ATP11A: variants seen among roughly 807,000 people sequenced by gnomAD.
ATP11A encodes the protein ATPase phospholipid transporting 11A.
A neutral mutation model predicts 154.4 loss-of-function variants in ATP11A; 81 were observed. The observed-to-expected ratio is 0.52, with a 90% confidence interval of 0.44 to 0.63. ATP11A has a LOEUF of 0.63. ATP11A is among the 30% of genes least tolerant of loss of function. The pLI, the probability that ATP11A is intolerant of heterozygous loss-of-function variation, is 0.00. For synonymous variants in ATP11A, 623 were observed against 585.9 expected, an observed-to-expected ratio of 1.06 and a Z score of -0.91; for missense variants, 1,316 against 1,474.3, an observed-to-expected ratio of 0.89 and a Z score of 1.76.
chr13:112,758,561 C>G (rs2076895963), intron 1 of ATP11A, among the ~76,000 whole-genome samples: 1 of 151,470 alleles, frequency 6.6e-6, no homozygotes, highest in Non-Finnish European at 1.5e-5. Context: ...GTAGCTGGGA[C>G]TACAGGCGCC....
At chr13:112,760,392 C>A (rs1380647262) in intron 1 of ATP11A, among the ~76,000 whole-genome samples, 1 of 152,132 alleles carries the variant, frequency 6.6e-6, no homozygotes, top group Non-Finnish European at 1.5e-5. Flanking sequence ...TTTAGCATTA[C>A]CCATTTGGGT....
At chr13:112,824,760 G>A (rs1243528772) in intron 10 of ATP11A, among the ~76,000 whole-genome samples, 1 of 152,210 alleles carries the variant, frequency 6.6e-6, no homozygotes, top group Non-Finnish European at 1.5e-5. Context: ...TTAACTCTGG[G>A]ATTTGGTCAA....
At chr13:112,853,959 C>G (rs1566574752) in intron 18 of ATP11A, among the ~76,000 whole-genome samples, 1 of 152,174 alleles carries the variant, frequency 6.6e-6, no homozygotes, top group Non-Finnish European at 1.5e-5. Context: ...GAAACCCTCC[C>G]CAGGTAGTGA....
intron 1 of ATP11A, among the ~76,000 whole-genome samples, chr13:112,748,463 T>C (rs1652174116): frequency 6.6e-6 from 1 of 152,236 alleles, no homozygotes; most frequent in African/African-American, 2.4e-5. Flanking sequence ...CCTCCTGGGC[T>C]CAAGCAATCC....
intron 14 of ATP11A, among the ~76,000 whole-genome samples, chr13:112,833,610 T>A (rs927427337): frequency 1.3e-5 from 2 of 152,192 alleles, no homozygotes; most frequent in Non-Finnish European, 1.5e-5. Context: ...AGGGACTGAG[T>A]ATGGTGAGAA....
chr13:112,772,881 A>G (rs1254189751), intron 1 of ATP11A, among the ~76,000 whole-genome samples: 2 of 152,152 alleles, frequency 1.3e-5, no homozygotes, highest in Non-Finnish European at 2.9e-5. Flanking sequence ...TGTCTTTTCT[A>G]TTTTTGAGTT....
At chr13:112,717,618 C>G (rs1401423795) in intron 1 of ATP11A, 2 of 152,188 alleles carry the variant, frequency 1.3e-5, no homozygotes, top group Non-Finnish European at 2.9e-5. Flanking sequence ...TTTGCTAATT[C>G]ATTTTTCAGT....
chr13:112,865,494 T>A (rs2080300327), intron 25 of ATP11A, among the ~76,000 whole-genome samples: 1 of 152,270 alleles, frequency 6.6e-6, no homozygotes, highest in South Asian at 2.1e-4. Flanking sequence ...AAAGATCGCA[T>A]TACCTGAGTG....
chr13:112,772,036 G>A (rs1222905778), intron 1 of ATP11A, among the ~76,000 whole-genome samples: 2 of 152,200 alleles, frequency 1.3e-5, no homozygotes, highest in African/African-American at 4.8e-5. Context: ...CAGCGGCTGA[G>A]GCAGAGTCCT....
intron 25 of ATP11A, among the ~76,000 whole-genome samples, chr13:112,866,055 C>G (rs1406000723): frequency 6.6e-6 from 1 of 152,212 alleles, no homozygotes; most frequent in Non-Finnish European, 1.5e-5. Flanking sequence ...AGCAGACATT[C>G]ACTCTCTGGT....
intron 1 of ATP11A, among the ~76,000 whole-genome samples, chr13:112,776,836 A>T (rs111449926): frequency 0.027 from 4,108 of 152,146 alleles, 190 homozygotes; most frequent in African/African-American, 0.093. Context: ...ACCTCAGGTG[A>T]TCCACCCACC....
chr13:112,847,540 C>T (rs2079644178), intron 17 of ATP11A, among the ~76,000 whole-genome samples: 1 of 152,224 alleles, frequency 6.6e-6, no homozygotes, highest in Non-Finnish European at 1.5e-5. Context: ...GTGATACTGA[C>T]ACTCTTGCTG....
chr13:112,857,009 A>T (rs1594191821), intron 20 of ATP11A, among the ~76,000 whole-genome samples: 1 of 152,232 alleles, frequency 6.6e-6, no homozygotes, highest in East Asian at 1.9e-4. Context: ...TCACATGCGT[A>T]ACTGCACATA....
rs866966427 is a variant in ATP11A at position 112,807,542 on chromosome 13, G to A, written c.333+1249G>A. Among the ~76,000 whole-genome samples the A allele has an allele frequency of 2.6e-5, 4 of 152,286 alleles. No homozygotes were observed. Among genetic ancestry groups the A allele is most frequent in the Middle Eastern group, 6.8e-3 (2 of 294 alleles). On this transcript the variant is annotated intron_variant, in intron 4 of 29. Transcript: ENST00000375645. The surrounding 1 kb of genome is among the most constrained non-coding windows in gnomAD (Gnocchi z 4.5). ...CCAAGGACGCGCTGCCTGTGACTCA[G>A]GCAGTTTAACTCCTACCTGGGATAA...
At chr13:112,865,298 C>A (rs74864502) in intron 25 of ATP11A, among the ~76,000 whole-genome samples, 45 of 95,892 alleles carry the variant, frequency 4.7e-4, no homozygotes, top group South Asian at 6.6e-4. Context: ...CCATCACCAC[C>A]TGCGCAGTAA....
Position 112,859,648 on chromosome 13 carries a change from C to G in ATP11A, c.2727+196C>G, listed in dbSNP as rs2080042529. Reference sequence around the variant, plus strand: ...GGCCACGGAGCTGAGGAGTTGCCGTCCTGGAGGCCCCTTGTTCCATGTCTT... The same window carrying G: ...GGCCACGGAGCTGAGGAGTTGCCGTGCTGGAGGCCCCTTGTTCCATGTCTT... On this transcript the variant is annotated intron_variant, in intron 23 of 29. Coordinates refer to ENST00000375645, the MANE Select transcript of ATP11A (RefSeq NM_015205.3). The surrounding 1 kb of genome is among the most constrained non-coding windows in gnomAD (Gnocchi z 4.3). Among the ~76,000 whole-genome samples the G allele has an allele frequency of 6.6e-6, 1 of 152,296 alleles. No homozygotes were observed. Among genetic ancestry groups the G allele is most frequent in the South Asian group, 2.1e-4 (1 of 4,828 alleles).
rs75712464 is a variant in ATP11A at position 112,839,220 on chromosome 13, A to G, written c.1705+2969A>G. The stretch of plus-strand genomic sequence containing the variant: ...GGGGGATCCTGCGGATGCTTACTGC[A>G]CCCAAGGTATTATGTACGCAGTACA... On this transcript the variant is annotated intron_variant, in intron 16 of 29. Coordinates refer to ENST00000375645, the MANE Select transcript of ATP11A (RefSeq NM_015205.3). 7.9e-3 allele frequency among the ~76,000 whole-genome samples: 1,201 copies of G among 152,264 alleles called. 18 individuals are homozygous for G. Among genetic ancestry groups the G allele is most frequent in the African/African-American group, 0.028 (1,147 of 41,540 alleles).
In ATP11A at chr13:112,875,497, T is replaced by G. The variant is rs984837026; in HGVS notation, c.3162-279T>G. On this transcript the variant is annotated intron_variant, in intron 27 of 29. Coordinates refer to ENST00000375645, the MANE Select transcript of ATP11A (RefSeq NM_015205.3). The surrounding 1 kb of genome is among the most constrained non-coding windows in gnomAD (Gnocchi z 4.1). ...CCCTTTGTGTTTTGTTTTTTGTTTTTTTTTTTTTTGCTTCTGTGAAACTGA... is the reference window on the plus strand; with the variant it reads ...CCCTTTGTGTTTTGTTTTTTGTTTTGTTTTTTTTTGCTTCTGTGAAACTGA... 3.5e-4 allele frequency among the ~76,000 whole-genome samples: 18 copies of G among 51,860 alleles called. No homozygotes were observed. Among genetic ancestry groups the G allele is most frequent in the Admixed American group, 7.2e-4 (4 of 5,540 alleles). The allele number at this position is 51,860 out of a possible 152,430, so 34.0% of individuals were successfully genotyped here. A position where few individuals can be genotyped will look rare whatever the true frequency, so the allele number is the denominator to read the frequency against.
At chr13:112,790,615 C>T (rs905634923) in intron 2 of ATP11A, among the ~76,000 whole-genome samples, 7 of 145,806 alleles carry the variant, frequency 4.8e-5, no homozygotes, top group Admixed American at 6.9e-5. Flanking sequence ...TAGACCCCTG[C>T]GATAGACCTC....
Sources: allele counts gnomAD v4.1 joint callset (sites outside exome capture counted in the v4.1 genomes callset), GRCh38; gene constraint gnomAD v4.1.1; non-coding constraint Gnocchi (gnomAD v3.1); transcripts MANE v1.5; gene names NCBI Gene and HGNC (gene_info 2026-07-23, HGNC 2026-07-21).